The following SF3B3 variants were observed in gnomAD, a reference collection of about 807,000 sequenced individuals.
SF3B3 encodes SAP 130.
A neutral mutation model predicts 139.2 loss-of-function variants in SF3B3; 33 were observed. The observed-to-expected ratio is 0.24, with a 90% CI of 0.18 to 0.32. SF3B3 has a LOEUF of 0.32. SF3B3 is among the 10% of genes least tolerant of loss of function. The pLI is 1.00. For missense variants in SF3B3, 818 were observed against 1,509.4 expected, an observed-to-expected ratio of 0.54 and a Z score of 7.59; for synonymous variants, 596 against 563.6, an observed-to-expected ratio of 1.06 and a Z score of -0.81.
Position 70,563,926 on chromosome 16 carries a change from C to G in SF3B3, c.2339C>G (p.Pro780Arg). 1 of 1,614,062 alleles carries G rather than the reference C, an allele frequency of 6.2e-7. No homozygotes were observed. The highest frequency in any genetic ancestry group is 2.2e-5 in the East Asian group (1 of 44,878). Residue 780 changes from proline to arginine, a missense_variant, in exon 18 of 26, where the codon CCA (proline) becomes CGA (arginine). This residue lies in a region of SF3B3 where 170 missense variants were observed against 353.0 expected (regional missense o/e 0.48). Coordinates refer to ENST00000302516, the MANE Select transcript of SF3B3 (RefSeq NM_012426.5). The part of the protein sequence containing the change: ...LGAVFNQVAF[P>R]LQYTPRKFVI... ...GCTGTCTTCAATCAAGTAGCCTTCCCACTGCAGTACACACCCAGGAAATTT... is the reference window on the plus strand; with the variant it reads ...GCTGTCTTCAATCAAGTAGCCTTCCGACTGCAGTACACACCCAGGAAATTT...
chr16:70,538,942 A>C (rs77708175), intron 7 of SF3B3, among the ~76,000 whole-genome samples, 162 bp from the exon 8 acceptor site: 4,850 of 152,274 alleles, frequency 0.032, 288 homozygotes, highest in African/African-American at 0.11. Context: ...CAAGACAGCC[A>C]CAGCCAGTAA....
rs1466527450 is a variant in SF3B3 at position 70,526,713 on chromosome 16, T to C, written c.57T>C (p.His19=). ...QRATGISFAI[H]GNFSGTKQQE... is the part of the protein sequence containing the mutation. ...CCACTGGCATCAGCTTTGCCATTCA[T>C]GGAAACTTTTCTGGTAAGTTCTCTC... Residue 19 remains histidine (H), a synonymous_variant, in exon 2 of 26, where the codon CAT becomes CAC. Transcript: ENST00000302516. 3 of 1,613,324 alleles carry C rather than the reference T, an allele frequency of 1.9e-6. No individual in the cohort carries two copies. The African/African-American group carries it at 4.0e-5, about 22-fold the overall frequency.
In SF3B3 at chr16:70,523,845, C is replaced by G; in HGVS notation, c.-154C>G. 2 of 529,862 alleles carry G rather than the reference C, an allele frequency of 3.8e-6. No individual in the cohort carries two copies. The highest frequency in any genetic ancestry group is 6.2e-5 in the East Asian group (2 of 32,292). The allele number at this position is 529,862 out of a possible 1,614,324, so 32.8% of individuals were successfully genotyped here. A position where few individuals can be genotyped will look rare whatever the true frequency, so the allele number is the denominator to read the frequency against. On this transcript the variant is annotated 5_prime_UTR_variant, in exon 1 of 26. Coordinates refer to ENST00000302516, the MANE Select transcript of SF3B3 (RefSeq NM_012426.5). Reference sequence around the variant, plus strand: ...CTGTCTTGAGGTCTAATGGCGGACGCCAGTATGTTGGAGTTGGTGGTGGCT... The same window carrying G: ...CTGTCTTGAGGTCTAATGGCGGACGGCAGTATGTTGGAGTTGGTGGTGGCT...
At chr16:70,567,051 CAA>C (rs112267243) in intron 20 of SF3B3, among the ~76,000 whole-genome samples, 90 of 119,412 alleles carry the variant, frequency 7.5e-4, no homozygotes, top group African/African-American at 1.4e-3. Flanking sequence ...GACCCTGTCT[CAA>C]AAAAAAAAAA....
chr16:70,570,062 C>A lies in SF3B3; in HGVS notation c.3321C>A (p.Thr1107=). ...AGACGGTGCTGTCCTTGCAGAAGACCACGCTGATCCCTGGAGGCTCAGAAT... is the reference window on the plus strand; with the variant it reads ...AGACGGTGCTGTCCTTGCAGAAGACAACGCTGATCCCTGGAGGCTCAGAAT... ...VGETVLSLQK[T]TLIPGGSESL... is the part of the protein sequence containing the mutation. Residue 1107 remains threonine, a synonymous_variant, in exon 24 of 26, where the codon ACC becomes ACA. Transcript: ENST00000302516. 1 of 1,614,068 alleles carries A rather than the reference C, an allele frequency of 6.2e-7. No individual in the cohort carries two copies. The highest frequency in any genetic ancestry group is 8.5e-7 in the Non-Finnish European group (1 of 1,180,014).
At chr16:70,553,881 C>T (rs1279612713) in intron 11 of SF3B3, among the ~76,000 whole-genome samples, 1 of 152,214 alleles carries the variant, frequency 6.6e-6, no homozygotes, top group East Asian at 1.9e-4. Flanking sequence ...AACCCCCACC[C>T]TCCATTTCCT....
intron 5 of SF3B3, among the ~76,000 whole-genome samples, chr16:70,533,207 C>T (rs1244544157): frequency 1.3e-5 from 2 of 152,008 alleles, no homozygotes; most frequent in Non-Finnish European, 2.9e-5. Flanking sequence ...ACAAGTTTCT[C>T]GGCTGGGCAT....
intron 24 of SF3B3, among the ~76,000 whole-genome samples, 189 bp from the exon 25 acceptor site, chr16:70,570,906 A>T (rs935432171): frequency 6.6e-6 from 1 of 152,228 alleles, no homozygotes; most frequent in Non-Finnish European, 1.5e-5. Context: ...TGCAGACAAC[A>T]TGTGGTCTCC....
At chr16:70,524,852 T>C (rs1433755069) in intron 1 of SF3B3, 1 of 152,424 alleles carries the variant, frequency 6.6e-6, no homozygotes, top group East Asian at 1.9e-4. Context: ...AGCTAATTTT[T>C]TGTATTTTTA....
At position 70,565,466 on chromosome 16, in the gene SF3B3, G is replaced by A. The variant is rs1567424579; in HGVS notation, c.2768G>A (p.Gly923Asp). ...LILNPRSVAGGFVYTYKLVNN... is the reference protein window; with the variant it reads ...LILNPRSVAGDFVYTYKLVNN... The stretch of plus-strand genomic sequence containing the variant: ...CTAAACCCCCGATCTGTGGCAGGGG[G>A]CTTCGTCTATACTTACAAGCTTGTG... The change falls in exon 20 of 26, where the codon GGC becomes GAC. Residue 923 changes from glycine to aspartate, a missense_variant. By Grantham distance (94) the Gly-to-Asp change is moderately conservative (BLOSUM62 -1). Around this residue, in one of 14 missense-constraint regions of SF3B3, gnomAD observed 145 missense variants for 153.6 expected, o/e 0.94. Transcript: ENST00000302516. 1 of 1,614,188 alleles carries A rather than the reference G, an allele frequency of 6.2e-7. No individual in the cohort carries two copies. The highest frequency in any genetic ancestry group is 1.7e-5 in the Admixed American group (1 of 60,024).
At chr16:70,556,375 C>G in intron 14 of SF3B3, 41 bp downstream of exon 14, 1 of 1,610,288 alleles carries the variant, frequency 6.2e-7, no homozygotes, top group Non-Finnish European at 8.5e-7. Flanking sequence ...CTGGTTGGAA[C>G]CTGAGCATCT....
At chr16:70,567,664 C>A in intron 21 of SF3B3, 128 bp downstream of exon 21, 2 of 1,155,614 alleles carry the variant, frequency 1.7e-6, no homozygotes, top group Admixed American at 3.1e-5. Context: ...CCAATTCCAG[C>A]TTCAGAATTA....
At chr16:70,567,716 C>A (rs1233006047) in intron 21 of SF3B3, among the ~76,000 whole-genome samples, 180 bp downstream of exon 21, 1 of 152,196 alleles carries the variant, frequency 6.6e-6, no homozygotes, top group East Asian at 1.9e-4. Context: ...GACGGAGTCT[C>A]GCCCTGTTGC....
chr16:70,572,907 G>T lies in SF3B3; in HGVS notation c.*1094G>T, dbSNP rs1404208671. On this transcript the variant is annotated 3_prime_UTR_variant, in exon 26 of 26. Transcript: ENST00000302516. Reference sequence around the variant, plus strand: ...GTGGGAAGCCCTCGTCTTCCAGGCTGTCCTTGCGCCTTGAACCTGGAGAAG... The same window carrying T: ...GTGGGAAGCCCTCGTCTTCCAGGCTTTCCTTGCGCCTTGAACCTGGAGAAG... 1 of 152,224 alleles carries T rather than the reference G, an allele frequency of 6.6e-6. No individual in the cohort carries two copies. Among genetic ancestry groups the T allele is most frequent in the Non-Finnish European group, 1.5e-5 (1 of 68,060 alleles). The allele number at this position is 152,224 out of a possible 1,614,324, so 9.4% of individuals were successfully genotyped here.
At chr16:70,557,062 T>A in intron 15 of SF3B3, 33 bp downstream of exon 15, 1 of 1,571,224 alleles carries the variant, frequency 6.4e-7, no homozygotes, top group Non-Finnish European at 8.6e-7. Context: ...TTGTGGACAT[T>A]AGGCCTTCTG....
In SF3B3 at chr16:70,563,942, C is replaced by G; in HGVS notation, c.2355C>G (p.Pro785=). ...NQVAFPLQYT[P]RKFVIHPESN... is the part of the protein sequence containing the mutation. The stretch of plus-strand genomic sequence containing the variant: ...TAGCCTTCCCACTGCAGTACACACC[C>G]AGGAAATTTGTCATCCACCCTGAGA... The change falls in exon 18 of 26, where the codon CCC becomes CCG. Residue 785 remains proline, a synonymous_variant. Coordinates refer to ENST00000302516, the MANE Select transcript of SF3B3 (RefSeq NM_012426.5). 1 of 1,614,076 alleles carries G rather than the reference C, an allele frequency of 6.2e-7. No individual in the cohort carries two copies. The highest frequency in any genetic ancestry group is 8.5e-7 in the Non-Finnish European group (1 of 1,180,002).
chr16:70,563,107 A>G (rs1242979067), intron 17 of SF3B3, among the ~76,000 whole-genome samples: 1 of 151,298 alleles, frequency 6.6e-6, no homozygotes, highest in African/African-American at 2.4e-5. Context: ...AGCTGGGACT[A>G]CAGGCGTGCG....
chr16:70,537,479 A>G (rs1244868772), intron 6 of SF3B3, among the ~76,000 whole-genome samples: 1 of 152,144 alleles, frequency 6.6e-6, no homozygotes, highest in African/African-American at 2.4e-5. Flanking sequence ...ATTTACTGCC[A>G]TCTCTCCCCT....
chr16:70,526,565 T>A lies in SF3B3; in HGVS notation c.-70-22T>A, dbSNP rs188541428. ...TTGAAGTAATAGTCTCCCAGCTATT[T>A]TTCTGTTTTCTGTTTTCTTAGCTTT... On this transcript the variant is annotated intron_variant, in intron 1 of 25. Transcript: ENST00000302516. 2.4e-4 allele frequency: 198 copies of A among 820,890 alleles called. No individual in the cohort carries two copies. The African/African-American group carries it at 2.9e-3, about 12-fold the overall frequency. The allele number at this position is 820,890 out of a possible 1,614,324, so 50.9% of individuals were successfully genotyped here.
Sources: gnomAD v4.1 joint callset for allele counts (sites outside exome capture counted in the v4.1 genomes callset) on GRCh38, gnomAD v4.1.1 for gene constraint, gnomAD v4.1.1 regional missense constraint, MANE v1.5 for transcripts, NCBI Gene and HGNC (gene_info 2026-07-23, HGNC 2026-07-21) for gene names.